The following CARMIL1 variants were observed in gnomAD, a reference collection of about 807,000 sequenced individuals.
CARMIL1 encodes capping protein regulator and myosin 1 linker 1.
In CARMIL1, 90 loss-of-function variants were observed where a neutral mutation model predicts 177.1. The ratio of observed to expected loss-of-function variants is 0.51; its 90% CI spans 0.43 to 0.61. The LOEUF is 0.61. Ranked by LOEUF, CARMIL1 falls within the 20% of genes least tolerant of loss-of-function variation. The pLI is 0.00. For missense variants in CARMIL1, 1,380 were observed against 1,667.0 expected, an observed-to-expected ratio of 0.83 and a Z score of 3.00; for synonymous variants, 577 against 606.2, an observed-to-expected ratio of 0.95 and a Z score of 0.71.
intron 11 of CARMIL1, 159 bp downstream of exon 11, chr6:25,472,680 T>C (rs1801195032): frequency 1.7e-6 from 1 of 585,264 alleles, no homozygotes; most frequent in East Asian, 2.8e-5. Context: ...TTCATATAAA[T>C]GCTTATGTTA....
chr6:25,538,478 A>G (rs1219339389), intron 25 of CARMIL1, among the ~76,000 whole-genome samples: 1 of 152,228 alleles, frequency 6.6e-6, no homozygotes, highest in Non-Finnish European at 1.5e-5. Context: ...CTGTAGATCA[A>G]TCAGATACTC....
chr6:25,348,997 A>G (rs184909501), intron 2 of CARMIL1, among the ~76,000 whole-genome samples: 48 of 152,250 alleles, frequency 3.2e-4, no homozygotes, highest in Admixed American at 1.9e-3. Context: ...ATTGTTATGT[A>G]TTTGTATGAT....
At chr6:25,581,686 C>T (rs899094181) in intron 31 of CARMIL1, among the ~76,000 whole-genome samples, 42 of 152,122 alleles carry the variant, frequency 2.8e-4, no homozygotes, top group Non-Finnish European at 1.6e-4. Context: ...ATTTCCGATT[C>T]TTCAGAACAG....
At chr6:25,371,367 C>T (rs1790411456) in intron 2 of CARMIL1, among the ~76,000 whole-genome samples, 1 of 152,170 alleles carries the variant, frequency 6.6e-6, no homozygotes. Flanking sequence ...TTTACATTCC[C>T]ACCAGCAGTG....
intron 2 of CARMIL1, among the ~76,000 whole-genome samples, chr6:25,309,354 C>CAAAAA (rs70975001): frequency 2.3e-5 from 2 of 85,684 alleles, no homozygotes; most frequent in African/African-American, 4.6e-5. Flanking sequence ...GAGTCCCTCT[C>CAAAAA]AAAAAAAAAA....
At chr6:25,574,294 C>T (rs2151229439) in intron 29 of CARMIL1, among the ~76,000 whole-genome samples, 1 of 152,306 alleles carries the variant, frequency 6.6e-6, no homozygotes, top group South Asian at 2.1e-4. Context: ...AAAAATTACT[C>T]ACAAATGCCA....
At chr6:25,379,812 C>G (rs572676567) in intron 2 of CARMIL1, among the ~76,000 whole-genome samples, 2 of 152,090 alleles carry the variant, frequency 1.3e-5, no homozygotes, top group East Asian at 1.9e-4. Context: ...CTTTTTCTGC[C>G]ATTTCTTTTT....
intron 2 of CARMIL1, among the ~76,000 whole-genome samples, chr6:25,407,825 G>A (rs2150614656): frequency 6.6e-6 from 1 of 152,322 alleles, no homozygotes; most frequent in East Asian, 1.9e-4. Context: ...AAACAGGGTA[G>A]TGGTAGTACC....
intron 2 of CARMIL1, among the ~76,000 whole-genome samples, chr6:25,347,000 T>C (rs1787577976): frequency 6.6e-6 from 1 of 152,208 alleles, no homozygotes; most frequent in African/African-American, 2.4e-5. Context: ...TAAATGTATC[T>C]TGCCTTATTA....
At chr6:25,535,582 G>A (rs1808215127) in intron 24 of CARMIL1, among the ~76,000 whole-genome samples, 1 of 152,164 alleles carries the variant, frequency 6.6e-6, no homozygotes, top group South Asian at 2.1e-4. Flanking sequence ...ACACTATAGG[G>A]TTAGGGTGAA....
chr6:25,591,506 C>A (rs1814301061), intron 31 of CARMIL1, among the ~76,000 whole-genome samples: 1 of 152,192 alleles, frequency 6.6e-6, no homozygotes, highest in Non-Finnish European at 1.5e-5. Flanking sequence ...CCTTTTCAGT[C>A]TGAAATGTAT....
intron 28 of CARMIL1, 137 bp from the exon 29 acceptor site, chr6:25,556,564 T>C (rs1810617964): frequency 3.1e-6 from 2 of 652,760 alleles, no homozygotes; most frequent in Non-Finnish European, 5.2e-6. Context: ...GTACTGTGAA[T>C]GTATTAAGAA....
At chr6:25,295,588 A>G (rs1782317619) in intron 2 of CARMIL1, among the ~76,000 whole-genome samples, 1 of 152,116 alleles carries the variant, frequency 6.6e-6, no homozygotes, top group African/African-American at 2.4e-5. Flanking sequence ...CATTGTCTTA[A>G]ACAAGAGTCT....
chr6:25,617,270 C>G (rs145579644), intron 36 of CARMIL1, among the ~76,000 whole-genome samples: 1 of 152,144 alleles, frequency 6.6e-6, no homozygotes, highest in Non-Finnish European at 1.5e-5. Context: ...GTTGTAATGA[C>G]CCTGGTCTAT....
At chr6:25,291,977 G>A (rs1782009454) in intron 2 of CARMIL1, among the ~76,000 whole-genome samples, 1 of 152,216 alleles carries the variant, frequency 6.6e-6, no homozygotes, top group African/African-American at 2.4e-5. Flanking sequence ...TGGCAGCACA[G>A]TGTACCTCGT....
intron 2 of CARMIL1, among the ~76,000 whole-genome samples, chr6:25,357,076 G>GTTT (rs35891455): frequency 4.6e-5 from 6 of 131,170 alleles, no homozygotes; most frequent in African/African-American, 5.5e-5. Context: ...AAGTCATTGT[G>GTTT]TTTTTTTTTT....
intron 31 of CARMIL1, among the ~76,000 whole-genome samples, chr6:25,592,180 G>A (rs1814384924): frequency 1.3e-5 from 2 of 152,000 alleles, no homozygotes; most frequent in South Asian, 4.2e-4. Flanking sequence ...TGTGGGTGCC[G>A]CTAACCTTCT....
At chr6:25,306,434 T>C (rs565631452) in intron 2 of CARMIL1, among the ~76,000 whole-genome samples, 1 of 152,262 alleles carries the variant, frequency 6.6e-6, no homozygotes, top group African/African-American at 2.4e-5. Context: ...GTGCTCCATA[T>C]GAGAATCTAG....
chr6:25,488,658 C>T, intron 13 of CARMIL1, 73 bp downstream of exon 13: 1 of 1,172,274 alleles, frequency 8.5e-7, no homozygotes, highest in Non-Finnish European at 1.3e-6. Context: ...CTAAACATGT[C>T]TTTGTAGTGC....
Sources: allele counts gnomAD v4.1 joint callset (sites outside exome capture counted in the v4.1 genomes callset), GRCh38; gene constraint gnomAD v4.1.1; transcripts MANE v1.5; gene names NCBI Gene and HGNC (gene_info 2026-07-23, HGNC 2026-07-21).